The following PLXNA4 variants were observed in gnomAD, a reference collection of about 807,000 sequenced individuals.
PLXNA4 encodes plexin A4.
In PLXNA4, 44 loss-of-function variants were observed where a neutral mutation model predicts 191.8. That is an observed-to-expected ratio of 0.23 (90% confidence interval 0.18 to 0.29). The LOEUF (loss-of-function observed/expected upper bound fraction) is 0.29, where lower values mean the gene tolerates loss of function less well. Among genes scored for constraint, PLXNA4 ranks in the 10% least tolerant of loss-of-function variants. The pLI, the probability that PLXNA4 is intolerant of heterozygous loss-of-function variation, is 1.00. For synonymous variants in PLXNA4, 1,082 were observed against 1,009.5 expected, an observed-to-expected ratio of 1.07 and a Z score of -1.36; for missense variants, 1,800 against 2,488.8, an observed-to-expected ratio of 0.72 and a Z score of 5.89.
At chr7:132,618,608 C>T (rs1267511463) in intron 2 of PLXNA4, among the ~76,000 whole-genome samples, 1 of 152,208 alleles carries the variant, frequency 6.6e-6, no homozygotes, top group Non-Finnish European at 1.5e-5. Context: ...GTCCTCTAGG[C>T]CAGGCTCATT....
rs562182514 is a variant in PLXNA4, at chr7:132,515,364, T to G, written c.-86-6585A>C. On this transcript the variant is annotated intron_variant, in intron 1 of 31. Transcript: ENST00000321063. ...TGAAGCCAGCTCTATGCCTGTACTTTCCGGTTACGCAAGTCAAAAAAAATT... is the reference window on the plus strand; with the variant it reads ...TGAAGCCAGCTCTATGCCTGTACTTGCCGGTTACGCAAGTCAAAAAAAATT... 2.6e-5 allele frequency among the ~76,000 whole-genome samples: 4 copies of G among 152,294 alleles called. No homozygotes were observed. The South Asian group carries it at 8.3e-4, about 32-fold the overall frequency.
At chr7:132,329,458 C>T (rs912457796) in intron 3 of PLXNA4, among the ~76,000 whole-genome samples, 4 of 152,192 alleles carry the variant, frequency 2.6e-5, no homozygotes, top group Non-Finnish European at 5.9e-5. Flanking sequence ...GTGCTCAGCC[C>T]TGTGCCTGCC....
At chr7:132,202,438 C>T (rs184139265) in intron 12 of PLXNA4, among the ~76,000 whole-genome samples, 38 of 152,234 alleles carry the variant, frequency 2.5e-4, no homozygotes, top group Admixed American at 1.2e-3. Context: ...TGAGGATAGT[C>T]GAGCCCCAAA....
In PLXNA4 at chr7:132,386,904, G is replaced by A. The variant is rs115467823; in HGVS notation, c.1372-88682C>T. 2.5e-3 allele frequency among the ~76,000 whole-genome samples: 386 copies of A among 152,218 alleles called. 1 individual carries two copies. Among genetic ancestry groups the A allele is most frequent in the African/African-American group, 8.8e-3 (367 of 41,526 alleles). Reference sequence around the variant, plus strand: ...CAGAGCTTCTCAAATTGTTTTGAAGGGCCATTCTGTAAAATTTCCCATCTA... The same window carrying A: ...CAGAGCTTCTCAAATTGTTTTGAAGAGCCATTCTGTAAAATTTCCCATCTA... On this transcript the variant is annotated intron_variant, in intron 3 of 31. Coordinates refer to ENST00000321063, the MANE Select transcript of PLXNA4 (RefSeq NM_020911.2).
intron 20 of PLXNA4, among the ~76,000 whole-genome samples, chr7:132,177,403 G>T (rs1183335805): frequency 6.6e-6 from 1 of 152,234 alleles, no homozygotes; most frequent in Non-Finnish European, 1.5e-5. Context: ...GCTTGGGCCA[G>T]TGCAGCCCTG....
chr7:132,305,926 G>A (rs1801501783), intron 3 of PLXNA4, among the ~76,000 whole-genome samples: 1 of 152,120 alleles, frequency 6.6e-6, no homozygotes, highest in Non-Finnish European at 1.5e-5. Context: ...CTGGGCCCAG[G>A]TATAAGAATG....
intron 3 of PLXNA4, among the ~76,000 whole-genome samples, chr7:132,440,765 G>A (rs1795670426): frequency 6.6e-6 from 1 of 152,138 alleles, no homozygotes; most frequent in South Asian, 2.1e-4. Flanking sequence ...CTGCTGTTAT[G>A]GGATTTTTGC....
intron 3 of PLXNA4, among the ~76,000 whole-genome samples, chr7:132,472,709 G>A (rs138735544): frequency 6.6e-6 from 1 of 152,362 alleles, no homozygotes; most frequent in Non-Finnish European, 1.5e-5. Flanking sequence ...AAGCTGGGAA[G>A]TGGACGTCAC....
At chr7:132,595,839 G>C (rs1313060187) in intron 2 of PLXNA4, among the ~76,000 whole-genome samples, 2 of 152,166 alleles carry the variant, frequency 1.3e-5, no homozygotes, top group Non-Finnish European at 2.9e-5. Context: ...TTATCATCTT[G>C]TCACATTTGT....
In PLXNA4 at chr7:132,133,163, G is replaced by A. The variant is rs114567124; in HGVS notation, c.5475C>T (p.Ser1825=). 5.9e-5 allele frequency: 96 copies of A among 1,614,172 alleles called. No individual in the cohort carries two copies. Among genetic ancestry groups the A allele is most frequent in the Non-Finnish European group, 7.5e-5 (89 of 1,180,032 alleles). Residue 1825 remains serine (S), a synonymous_variant, in exon 31 of 32, where the codon AGC becomes AGT. Transcript: ENST00000321063. ...YSDIGKMPAI[S]DQDMNAYLAE... ...CCAGGTATGCGTTCATGTCTTGGTC[G>A]CTGATGGCTGGCATCTTCCCTATGT...
chr7:132,520,956 C>T (rs1427839213), intron 1 of PLXNA4, among the ~76,000 whole-genome samples: 2 of 152,054 alleles, frequency 1.3e-5, no homozygotes, highest in African/African-American at 2.4e-5. Flanking sequence ...CACTCCAGGC[C>T]CCTTTTGTCC....
At chr7:132,166,748 C>T (rs898537594) in intron 22 of PLXNA4, among the ~76,000 whole-genome samples, 7 of 151,772 alleles carry the variant, frequency 4.6e-5, no homozygotes, top group Non-Finnish European at 1.0e-4. Context: ...AGCGAGACCA[C>T]GCCAGAAAGT....
intron 1 of PLXNA4, among the ~76,000 whole-genome samples, chr7:132,509,379 G>A (rs2116266780): frequency 6.6e-6 from 1 of 152,286 alleles, no homozygotes; most frequent in East Asian, 1.9e-4. Flanking sequence ...CCCTTAAAGA[G>A]CCACACTTTT....
chr7:132,512,815 C>A (rs926341113), intron 1 of PLXNA4, among the ~76,000 whole-genome samples: 1 of 152,132 alleles, frequency 6.6e-6, no homozygotes, highest in South Asian at 2.1e-4. Context: ...GTAACCCCAA[C>A]CTAGGAAACC....
intron 3 of PLXNA4, among the ~76,000 whole-genome samples, chr7:132,325,139 A>G (rs1316302605): frequency 6.6e-6 from 1 of 152,224 alleles, no homozygotes; most frequent in Non-Finnish European, 1.5e-5. Context: ...TCAGAAAAAG[A>G]AAGAAACCCT....
At chr7:132,604,772 A>T (rs1317352786) in intron 2 of PLXNA4, among the ~76,000 whole-genome samples, 1 of 152,174 alleles carries the variant, frequency 6.6e-6, no homozygotes, top group South Asian at 2.1e-4. Flanking sequence ...TTCTCTGTAC[A>T]GATGCAGGGA....
At chr7:132,315,159 G>T (rs1410363617) in intron 3 of PLXNA4, among the ~76,000 whole-genome samples, 2 of 152,176 alleles carry the variant, frequency 1.3e-5, no homozygotes, top group African/African-American at 2.4e-5. Flanking sequence ...TGCTACTGGG[G>T]CCTGGGAAAC....
chr7:132,624,270 T>G (rs1362185313), intron 2 of PLXNA4, among the ~76,000 whole-genome samples: 1 of 152,196 alleles, frequency 6.6e-6, no homozygotes, highest in South Asian at 2.1e-4. Context: ...ATAATGGTAG[T>G]ACCCGTGGTG....
chr7:132,294,618 G>C (rs1351638289), intron 4 of PLXNA4, among the ~76,000 whole-genome samples: 6 of 152,184 alleles, frequency 3.9e-5, no homozygotes, highest in Admixed American at 3.9e-4. Flanking sequence ...ATCCAGGTGG[G>C]TAACAATGAA....
Sources: allele counts gnomAD v4.1 joint callset (sites outside exome capture counted in the v4.1 genomes callset), GRCh38; gene constraint gnomAD v4.1.1; transcripts MANE v1.5; gene names NCBI Gene and HGNC (gene_info 2026-07-23, HGNC 2026-07-21).